TBC1D30: variants seen among roughly 807,000 people sequenced by gnomAD.
TBC1D30 encodes the protein TBC1 domain family, member 30.
TBC1D30 carries 31 observed loss-of-function variants against 63.2 expected under a neutral mutation model. That is an observed-to-expected ratio of 0.49 (90% confidence interval 0.37 to 0.66). The LOEUF (loss-of-function observed/expected upper bound fraction) is 0.66, where lower values mean the gene tolerates loss of function less well. TBC1D30 is among the 30% of genes least tolerant of loss of function. The pLI is 0.00. For synonymous variants in TBC1D30, 307 were observed against 361.5 expected, an observed-to-expected ratio of 0.85 and a Z score of 1.71; for missense variants, 810 against 953.6, an observed-to-expected ratio of 0.85 and a Z score of 1.98.
upstream of TBC1D30, among the ~76,000 whole-genome samples, chr12:64,777,029 C>T (rs965542636): frequency 2.0e-5 from 3 of 152,272 alleles, no homozygotes; most frequent in Non-Finnish European, 4.4e-5. Flanking sequence ...TCAACAGATG[C>T]AGAAAAAGCT....
At chr12:64,862,388 A>G (rs551114776) in intron 8 of TBC1D30, among the ~76,000 whole-genome samples, 1 of 152,350 alleles carries the variant, frequency 6.6e-6, no homozygotes, top group African/African-American at 2.4e-5. Context: ...ACTTACTAAA[A>G]GTCAGTGACA....
chr12:64,791,015 CA>C (rs1871886892), intron 2 of TBC1D30, among the ~76,000 whole-genome samples: 1 of 151,962 alleles, frequency 6.6e-6, no homozygotes, highest in Non-Finnish European at 1.5e-5. Flanking sequence ...TTATAATAGC[CA>C]AAAAGTAGAA....
chr12:64,808,217 C>T (rs1329731874), intron 2 of TBC1D30, among the ~76,000 whole-genome samples: 2 of 152,164 alleles, frequency 1.3e-5, no homozygotes, highest in Non-Finnish European at 2.9e-5. Context: ...TTTCCTCCGC[C>T]TGGTACTCTT....
intron 2 of TBC1D30, chr12:64,818,539 A>C (rs954837733): frequency 9.7e-6 from 3 of 310,336 alleles, no homozygotes; most frequent in Non-Finnish European, 1.4e-5. Context: ...CCCTGGTTCA[A>C]GTGATTCTCC....
upstream of TBC1D30, among the ~76,000 whole-genome samples, chr12:64,820,198 T>C (rs1037143934): frequency 1.3e-5 from 2 of 152,186 alleles, no homozygotes; most frequent in African/African-American, 4.8e-5. Context: ...ATCACAGGTC[T>C]CAGACCCACT....
intron 1 of TBC1D30, among the ~76,000 whole-genome samples, chr12:64,772,897 A>G (rs1276756763): frequency 1.3e-5 from 2 of 152,200 alleles, no homozygotes; most frequent in East Asian, 1.9e-4. Flanking sequence ...TCTTTCTACT[A>G]TTGCAAAGGA....
chr12:64,765,737 T>G (rs1870688167), intron 1 of TBC1D30, among the ~76,000 whole-genome samples: 1 of 150,472 alleles, frequency 6.6e-6, no homozygotes, highest in South Asian at 2.1e-4. Flanking sequence ...GGCACACACT[T>G]GTAATCCCAG....
intron 2 of TBC1D30, among the ~76,000 whole-genome samples, chr12:64,801,886 T>C (rs945811500): frequency 1.3e-5 from 2 of 152,206 alleles, no homozygotes; most frequent in African/African-American, 4.8e-5. Flanking sequence ...CAGTCTTAAA[T>C]GTGCATCTAA....
chr12:64,772,322 G>T lies in TBC1D30; in HGVS notation c.-376+12673G>T, dbSNP rs1213144411. ...CTTATGCCCAGCAGAAAGCATTCAT[G>T]TTGGAAGAGGCACTAGACAACCAAT... On this transcript the variant is annotated intron_variant, in intron 1 of 13. Transcript: ENST00000674237. Among the ~76,000 whole-genome samples, 3 of 151,608 alleles carry T rather than the reference G, an allele frequency of 2.0e-5. No individual in the cohort carries two copies. The East Asian group carries it at 5.8e-4, about 29-fold the overall frequency.
intron 8 of TBC1D30, among the ~76,000 whole-genome samples, chr12:64,849,255 G>A (rs1425914487): frequency 6.6e-6 from 1 of 152,064 alleles, no homozygotes; most frequent in Admixed American, 6.5e-5. Context: ...AGGTTCTTTT[G>A]CTGTGCAGAA....
At chr12:64,840,459 T>C (rs1875772260) in intron 7 of TBC1D30, among the ~76,000 whole-genome samples, 1 of 152,228 alleles carries the variant, frequency 6.6e-6, no homozygotes, top group African/African-American at 2.4e-5. Context: ...TCAGAATTTA[T>C]TCCTAAGATC....
At chr12:64,818,109 A>G (rs1873659333) in intron 2 of TBC1D30, among the ~76,000 whole-genome samples, 1 of 151,956 alleles carries the variant, frequency 6.6e-6, no homozygotes, top group African/African-American at 2.4e-5. Context: ...AGGTTGGGGA[A>G]TCTCAGCTAA....
chr12:64,867,174 G>A (rs1247823567), intron 10 of TBC1D30, among the ~76,000 whole-genome samples: 8 of 152,008 alleles, frequency 5.3e-5, no homozygotes, highest in Admixed American at 3.9e-4. Flanking sequence ...ACATTAAAAA[G>A]TCATTACTAG....
intron 6 of TBC1D30, 40 bp from the exon 7 acceptor site, chr12:64,838,643 A>G (rs746545026): frequency 7.3e-5 from 111 of 1,529,146 alleles, no homozygotes; most frequent in Non-Finnish European, 9.2e-5. Flanking sequence ...GCTGCCAATC[A>G]TCAGTTCTGA....
intron 1 of TBC1D30, chr12:64,785,798 A>G (rs987671515): frequency 2.9e-5 from 32 of 1,113,772 alleles, no homozygotes; most frequent in South Asian, 6.8e-5. Context: ...TGGATGTTCT[A>G]TTTATCTTTG....
chr12:64,869,621 AT>A (rs899051933), intron 10 of TBC1D30, among the ~76,000 whole-genome samples: 4 of 149,592 alleles, frequency 2.7e-5, no homozygotes, highest in South Asian at 2.1e-4. Flanking sequence ...TCTATGTTTC[AT>A]TTTTTTTTCT....
At chr12:64,780,818 C>A in exon 1 of TBC1D30, 1 of 995,338 alleles carries the variant, frequency 1.0e-6, no homozygotes, top group African/African-American at 1.7e-5. Context: ...CATGGACGTC[C>A]TTCCCACCGG....
At chr12:64,824,546 C>T (rs1238232784), upstream of TBC1D30, 1 of 262,134 alleles carries the variant, frequency 3.8e-6, no homozygotes, top group Non-Finnish European at 7.2e-6. Flanking sequence ...CGCCTGCGCA[C>T]GGCGGTGCCG....
intron 8 of TBC1D30, among the ~76,000 whole-genome samples, chr12:64,861,197 C>G (rs1177455170): frequency 6.6e-6 from 1 of 152,190 alleles, no homozygotes; most frequent in African/African-American, 2.4e-5. Flanking sequence ...TTGTGCAACT[C>G]ATGTTTTCAT....
Sources: allele counts gnomAD v4.1 joint callset (sites outside exome capture counted in the v4.1 genomes callset), GRCh38; gene constraint gnomAD v4.1.1; transcripts MANE v1.5; gene names NCBI Gene and HGNC (gene_info 2026-07-23, HGNC 2026-07-21).